Variants in BBS9 observed in about 807,000 individuals in gnomAD.
BBS9 encodes protein PTHB1.
Under a neutral mutation model 117.7 loss-of-function variants are expected in BBS9, and 89 were observed. That is an observed-to-expected ratio of 0.76 (90% CI 0.64 to 0.90). The LOEUF is 0.90. Among genes scored for constraint, BBS9 ranks in the 40% least tolerant of loss-of-function variants. The pLI is 0.00. For missense variants in BBS9, 982 were observed against 1,042.2 expected (o/e 0.94, Z 0.80); for synonymous variants, 379 against 370.9 (o/e 1.02, Z -0.25).
chr7:33,164,720 G>T (rs183833712), intron 4 of BBS9, among the ~76,000 whole-genome samples: 43 of 152,228 alleles, frequency 2.8e-4, no homozygotes, highest in African/African-American at 1.0e-3. Context: ...GAGCCTATGT[G>T]TGTCTCTGCA....
At chr7:33,161,573 A>C (rs2128126412) in intron 4 of BBS9, among the ~76,000 whole-genome samples, 1 of 152,342 alleles carries the variant, frequency 6.6e-6, no homozygotes, top group East Asian at 1.9e-4. Flanking sequence ...TAGTGCCATA[A>C]AAAACATACG....
intron 5 of BBS9, among the ~76,000 whole-genome samples, chr7:33,187,397 A>G (rs1323841569): frequency 6.6e-6 from 1 of 152,190 alleles, no homozygotes. Flanking sequence ...AACCTTATAT[A>G]GGAATCTTTC....
chr7:33,334,241 T>C (rs907171489), intron 9 of BBS9, among the ~76,000 whole-genome samples: 2 of 152,232 alleles, frequency 1.3e-5, no homozygotes, highest in Non-Finnish European at 2.9e-5. Context: ...AATAAACCTT[T>C]CAACTCAAAG....
chr7:33,475,217 A>G (rs754145129), intron 19 of BBS9, among the ~76,000 whole-genome samples: 1 of 152,200 alleles, frequency 6.6e-6, no homozygotes, highest in African/African-American at 2.4e-5. Flanking sequence ...ATAGACAATA[A>G]ATAAATAAAT....
At chr7:33,559,009 G>A (rs7779722) in intron 21 of BBS9, among the ~76,000 whole-genome samples, 71,719 of 151,954 alleles carry the variant, frequency 0.47, 17,521 homozygotes, top group South Asian at 0.58. Flanking sequence ...ACACATTAAT[G>A]CCTTGATGTG....
intron 20 of BBS9, among the ~76,000 whole-genome samples, chr7:33,527,586 A>G (rs1405818610): frequency 2.6e-5 from 4 of 152,190 alleles, no homozygotes; most frequent in Admixed American, 6.5e-5. Context: ...AAGTGAGGCA[A>G]TGCCTCGCCC....
rs146215965 is a variant in BBS9, at chr7:33,326,135, G to C, written c.1017-10306G>C. On this transcript the variant is annotated intron_variant, in intron 9 of 22. Coordinates refer to ENST00000242067, the MANE Select transcript of BBS9 (RefSeq NM_198428.3). ...GATGCTCTCTGGGAGCCAGGGTCTG[G>C]AATCAGAAACTTAGGAATCTACCTG... is the stretch of plus-strand genomic sequence containing the variant. Among the ~76,000 whole-genome samples the C allele has an allele frequency of 9.9e-4, 150 of 152,212 alleles. 1 individual carries two copies. The highest frequency in any genetic ancestry group is 3.4e-3 in the African/African-American group (141 of 41,514).
intron 9 of BBS9, among the ~76,000 whole-genome samples, chr7:33,303,729 C>T (rs1807086473): frequency 6.6e-6 from 1 of 152,056 alleles, no homozygotes; most frequent in Admixed American, 6.5e-5. Flanking sequence ...GGCTGGTCTC[C>T]AGCTCCTGAC....
At chr7:33,136,470 A>G (rs1790476390) in intron 1 of BBS9, among the ~76,000 whole-genome samples, 1 of 152,168 alleles carries the variant, frequency 6.6e-6, no homozygotes, top group Non-Finnish European at 1.5e-5. Flanking sequence ...TTACACTATT[A>G]AGTATGATGT....
At chr7:33,589,348 C>T (rs565355538) in intron 21 of BBS9, among the ~76,000 whole-genome samples, 1 of 152,202 alleles carries the variant, frequency 6.6e-6, no homozygotes, top group South Asian at 2.1e-4. Context: ...CTACCCAAAA[C>T]AGAGTGCAAT....
At chr7:33,258,698 T>G (rs1329037554) in intron 6 of BBS9, among the ~76,000 whole-genome samples, 1 of 152,260 alleles carries the variant, frequency 6.6e-6, no homozygotes, top group Non-Finnish European at 1.5e-5. Context: ...CACCCAGCTC[T>G]GTGCCTCACC....
At chr7:33,593,438 A>G (rs1862256564) in intron 21 of BBS9, among the ~76,000 whole-genome samples, 1 of 152,066 alleles carries the variant, frequency 6.6e-6, no homozygotes, top group Non-Finnish European at 1.5e-5. Flanking sequence ...TTTAGGTTCC[A>G]TGTTTATGTT....
Position 33,310,966 on chromosome 7 carries a change from A to G in BBS9, c.1017-25475A>G, listed in dbSNP as rs183895590. Among the ~76,000 whole-genome samples the G allele has an allele frequency of 2.0e-5, 3 of 152,358 alleles. No individual in the cohort carries two copies. The East Asian group carries it at 5.8e-4, about 29-fold the overall frequency. On this transcript the variant is annotated intron_variant, in intron 9 of 22. Transcript: ENST00000242067. Reference sequence around the variant, plus strand: ...CCAAGATTAAATATATAATTGCTCAAATAAACATATCATTCCAACAGTGAG... The same window carrying G: ...CCAAGATTAAATATATAATTGCTCAGATAAACATATCATTCCAACAGTGAG...
chr7:33,603,195 T>C (rs1182494259), intron 21 of BBS9, among the ~76,000 whole-genome samples: 3 of 152,170 alleles, frequency 2.0e-5, no homozygotes, highest in Non-Finnish European at 4.4e-5. Flanking sequence ...GAGTACAGCA[T>C]TCCTGGCCTC....
At chr7:33,172,102 C>T (rs573954622) in intron 4 of BBS9, among the ~76,000 whole-genome samples, 24 of 152,108 alleles carry the variant, frequency 1.6e-4, no homozygotes, top group South Asian at 1.0e-3. Context: ...GCCTCTAGGC[C>T]GGGTGTGGTG....
At chr7:33,487,189 T>A (rs1843231534) in intron 19 of BBS9, among the ~76,000 whole-genome samples, 1 of 152,212 alleles carries the variant, frequency 6.6e-6, no homozygotes, top group Non-Finnish European at 1.5e-5. Context: ...TTTAAAGACG[T>A]AAGCTTAGGA....
intron 19 of BBS9, among the ~76,000 whole-genome samples, chr7:33,463,934 GT>G (rs1200906186): frequency 2.8e-4 from 43 of 152,142 alleles, no homozygotes; most frequent in African/African-American, 9.9e-4. Context: ...TCCATTGCCT[GT>G]TGTTCAGTGA....
At chr7:33,624,878 C>T (rs1865567984) in intron 21 of BBS9, among the ~76,000 whole-genome samples, 1 of 152,122 alleles carries the variant, frequency 6.6e-6, no homozygotes, top group African/African-American at 2.4e-5. Flanking sequence ...CAGCTGAAGG[C>T]ACATCTGGTC....
intron 5 of BBS9, among the ~76,000 whole-genome samples, chr7:33,227,760 C>T (rs1184169893): frequency 6.6e-6 from 1 of 152,186 alleles, no homozygotes; most frequent in East Asian, 1.9e-4. Flanking sequence ...CCTCCAGCTC[C>T]ATCCAAGTTG....
Sources: allele counts gnomAD v4.1 joint callset (sites outside exome capture counted in the v4.1 genomes callset), GRCh38; gene constraint gnomAD v4.1.1; transcripts MANE v1.5; gene names NCBI Gene and HGNC (gene_info 2026-07-23, HGNC 2026-07-21).